The following PGBD5 variants were observed in gnomAD, a reference collection of about 807,000 sequenced individuals.
PGBD5 encodes the protein piggyBac transposable element derived 5.
A neutral mutation model predicts 47.9 loss-of-function variants in PGBD5; 14 were observed. The ratio of observed to expected loss-of-function variants is 0.29; its 90% confidence interval spans 0.19 to 0.46. PGBD5 has a LOEUF of 0.46. PGBD5 is among the 20% of genes least tolerant of loss of function. The pLI is 1.00. For synonymous variants in PGBD5, 316 were observed against 306.3 expected (o/e 1.03, Z -0.33); for missense variants, 635 against 716.0 (o/e 0.89, Z 1.29).
At chr1:230,420,161 T>C (rs1257982598) in intron 1 of PGBD5, among the ~76,000 whole-genome samples, 1 of 152,060 alleles carries the variant, frequency 6.6e-6, no homozygotes, top group Non-Finnish European at 1.5e-5. Flanking sequence ...AGGCCTCAAC[T>C]ATGTTCACCA....
Position 230,398,723 on chromosome 1 carries a change from A to G in PGBD5, c.331+26875T>C, listed in dbSNP as rs142771489. Among the ~76,000 whole-genome samples the G allele has an allele frequency of 3.1e-3, 465 of 152,322 alleles. 2 individuals are homozygous for G. Among genetic ancestry groups the G allele is most frequent in the Non-Finnish European group, 5.2e-3 (351 of 68,026 alleles). ...CACCCAAGACCTCTGGGCTCCTGGC[A>G]GTGACCCCACCCCACAGCTCCCAGA... On this transcript the variant is annotated intron_variant, in intron 1 of 6. Coordinates refer to ENST00000391860, the MANE Select transcript of PGBD5 (RefSeq NM_001258311.2).
rs1285069844 is a variant in PGBD5, at chr1:230,425,444, G to A, written c.331+154C>T. Among the ~76,000 whole-genome samples, 1 of 152,110 alleles carries A rather than the reference G, an allele frequency of 6.6e-6. No individual in the cohort carries two copies. Among genetic ancestry groups the A allele is most frequent in the Admixed American group, 6.5e-5 (1 of 15,276 alleles). Reference sequence around the variant, plus strand: ...GGTTCGGAGCCCCCAGGAGCAGTCAGACCGATCACCGCTCCTGCAGCCTCA... The same window carrying A: ...GGTTCGGAGCCCCCAGGAGCAGTCAAACCGATCACCGCTCCTGCAGCCTCA... On this transcript the variant is annotated intron_variant, in intron 1 of 6. Coordinates refer to ENST00000391860, the MANE Select transcript of PGBD5 (RefSeq NM_001258311.2). The surrounding 1 kb of genome is among the most constrained non-coding windows in gnomAD (Gnocchi z 4.7).
intron 1 of PGBD5, among the ~76,000 whole-genome samples, chr1:230,419,925 A>G (rs1657611957): frequency 6.6e-6 from 1 of 152,190 alleles, no homozygotes; most frequent in Non-Finnish European, 1.5e-5. Flanking sequence ...AAGGAGTTCA[A>G]GACCAGCCTG....
At chr1:230,359,251 G>A (rs774755577) in intron 1 of PGBD5, among the ~76,000 whole-genome samples, 4 of 151,984 alleles carry the variant, frequency 2.6e-5, no homozygotes, top group Non-Finnish European at 5.9e-5. Context: ...TAGTAGAGAC[G>A]GGGTTTTGCC....
intron 1 of PGBD5, among the ~76,000 whole-genome samples, chr1:230,358,544 A>ATTTTTTTTTTTTTTTTTTTTTTTT (rs1667693589): frequency 6.6e-6 from 1 of 151,966 alleles, no homozygotes; most frequent in African/African-American, 2.4e-5. Flanking sequence ...AAACCTCACA[A>ATTTTTTTTTTTTTTTTTTTTTTTT]TTTTTGACTA....
chr1:230,405,757 G>C (rs74146015), intron 1 of PGBD5, among the ~76,000 whole-genome samples: 12,105 of 152,254 alleles, frequency 0.08, 879 homozygotes, highest in East Asian at 0.27. Context: ...GATGACCAAT[G>C]AGCCAAACGG....
intron 1 of PGBD5, among the ~76,000 whole-genome samples, chr1:230,361,040 C>T (rs2102709104): frequency 6.6e-6 from 1 of 152,336 alleles, no homozygotes; most frequent in South Asian, 2.1e-4. Flanking sequence ...CCAGGCCAGC[C>T]TGAGTGCACC....
intron 1 of PGBD5, among the ~76,000 whole-genome samples, chr1:230,372,618 C>T (rs1667947079): frequency 6.6e-6 from 1 of 152,174 alleles, no homozygotes; most frequent in African/African-American, 2.4e-5. Context: ...GAAAGGCTGC[C>T]CCACTTCTAC....
At chr1:230,389,256 C>T (rs745574945) in intron 1 of PGBD5, among the ~76,000 whole-genome samples, 1 of 151,998 alleles carries the variant, frequency 6.6e-6, no homozygotes, top group Non-Finnish European at 1.5e-5. Context: ...TCATCGCAGC[C>T]TCTGCCTCCG....
At chr1:230,402,977 A>G (rs1657180580) in intron 1 of PGBD5, among the ~76,000 whole-genome samples, 1 of 152,214 alleles carries the variant, frequency 6.6e-6, no homozygotes, top group Non-Finnish European at 1.5e-5. Flanking sequence ...TACAAGATCA[A>G]GCCTTTGTGA....
rs1667654878 is a variant in PGBD5 at position 230,356,862 on chromosome 1, G to A, written c.759+32C>T. On this transcript the variant is annotated intron_variant, in intron 2 of 6. Coordinates refer to ENST00000391860, the MANE Select transcript of PGBD5 (RefSeq NM_001258311.2). ...CTAGGCCGAGAGAGCGAGGACACCT[G>A]GACAAGCTCTTACGTCCTGCGTGGG... 1.9e-6 allele frequency: 3 copies of A among 1,595,172 alleles called. No individual in the cohort carries two copies. The African/African-American group carries it at 4.0e-5, about 21-fold the overall frequency.
intron 1 of PGBD5, among the ~76,000 whole-genome samples, chr1:230,414,573 C>T (rs572316752): frequency 1.2e-3 from 177 of 152,286 alleles, no homozygotes; most frequent in Non-Finnish European, 3.4e-4. Flanking sequence ...CAACTGTTGT[C>T]TCAATTTCCA....
chr1:230,323,648 GA>G lies in PGBD5; in HGVS notation c.1380-29del. 6.3e-7 allele frequency: 1 copy of G among 1,596,060 alleles called. No homozygotes were observed. The highest frequency in any genetic ancestry group is 8.6e-7 in the Non-Finnish European group (1 of 1,169,436). ...GAGGACAGAGGGAATAAGAACGGCT[GA>G]CCCGATGGTTCATGGCACCCGGAGA... On this transcript the variant is annotated intron_variant, in intron 6 of 6. Coordinates refer to ENST00000391860, the MANE Select transcript of PGBD5 (RefSeq NM_001258311.2). The surrounding 1 kb of genome is among the most constrained non-coding windows in gnomAD (Gnocchi z 4.1).
chr1:230,368,570 C>T (rs1183990549), intron 1 of PGBD5, among the ~76,000 whole-genome samples: 5 of 152,186 alleles, frequency 3.3e-5, no homozygotes, highest in East Asian at 1.9e-4. Flanking sequence ...AATGAAATGA[C>T]GCAGGGGGAT....
intron 1 of PGBD5, among the ~76,000 whole-genome samples, chr1:230,410,683 G>A (rs1368626245): frequency 1.3e-5 from 2 of 152,096 alleles, no homozygotes; most frequent in Non-Finnish European, 2.9e-5. Flanking sequence ...TTTACTCTGA[G>A]GAGACTTTAG....
At chr1:230,349,535 A>AAAC (rs1667529205) in intron 3 of PGBD5, among the ~76,000 whole-genome samples, 1 of 6,092 alleles carries the variant, frequency 1.6e-4, no homozygotes, top group Non-Finnish European at 6.6e-4. Context: ...ACCCCGTCTC[A>AAAC]AAAAAAAAAA....
At chr1:230,412,420 G>A (rs943608436) in intron 1 of PGBD5, among the ~76,000 whole-genome samples, 2 of 134,392 alleles carry the variant, frequency 1.5e-5, no homozygotes, top group South Asian at 2.4e-4. Flanking sequence ...ACAGAGTCTC[G>A]CTCTGTTGCC....
intron 1 of PGBD5, among the ~76,000 whole-genome samples, chr1:230,412,682 CCG>C (rs1369744003): frequency 6.6e-6 from 1 of 152,100 alleles, no homozygotes; most frequent in Non-Finnish European, 1.5e-5. Flanking sequence ...GCCACCGCGC[CCG>C]GCCCATCCTA....
chr1:230,329,124 G>GA (rs1299973531), intron 5 of PGBD5, among the ~76,000 whole-genome samples: 13 of 150,758 alleles, frequency 8.6e-5, no homozygotes, highest in African/African-American at 1.7e-4. Flanking sequence ...TTTTTTTTTG[G>GA]GGGGGGAGGT....
Sources: gnomAD v4.1 joint callset for allele counts (sites outside exome capture counted in the v4.1 genomes callset) on GRCh38, gnomAD v4.1.1 for gene constraint, Gnocchi (gnomAD v3.1) non-coding constraint, MANE v1.5 for transcripts, NCBI Gene and HGNC (gene_info 2026-07-23, HGNC 2026-07-21) for gene names.